The following PARD3B variants were observed in gnomAD, a reference collection of about 807,000 sequenced individuals.
PARD3B encodes par-3 family cell polarity regulator beta, also known as partitioning defective 3 homolog B.
Under a neutral mutation model 130.2 loss-of-function variants are expected in PARD3B, and 103 were observed. The observed-to-expected ratio is 0.79, with a 90% CI of 0.67 to 0.93. The LOEUF is 0.93. Among genes scored for constraint, PARD3B ranks in the 40% least tolerant of loss-of-function variants. The pLI is 0.00. For synonymous variants in PARD3B, 583 were observed against 553.2 expected (o/e 1.05, Z -0.76); for missense variants, 1,609 against 1,499.2 (o/e 1.07, Z -1.21).
intron 18 of PARD3B, among the ~76,000 whole-genome samples, chr2:205,343,842 C>G (rs563074257): frequency 1.3e-5 from 2 of 152,034 alleles, no homozygotes; most frequent in African/African-American, 2.4e-5. Context: ...ACCCTCACCC[C>G]CTATGCCTGA....
intron 2 of PARD3B, among the ~76,000 whole-genome samples, chr2:204,865,730 C>G (rs1218416475): frequency 6.6e-6 from 1 of 151,946 alleles, no homozygotes; most frequent in Non-Finnish European, 1.5e-5. Flanking sequence ...GAAATTACCA[C>G]CAAAGAACTT....
chr2:205,193,256 A>G lies in PARD3B; in HGVS notation c.2076A>G (p.Arg692=), dbSNP rs751671023. 5.6e-6 allele frequency: 9 copies of G among 1,613,732 alleles called. No homozygotes were observed. The East Asian group carries it at 2.0e-4, about 36-fold the overall frequency. ...VYFPDQHINF[R]SVTPARQPES... ...TTCCAGATCAGCACATCAACTTCAG[A>G]TCTGTGACACCGGCCAGGCAGCCTG... The change falls in exon 15 of 23, where the codon AGA becomes AGG. Residue 692 remains arginine (R), a synonymous_variant. Coordinates refer to ENST00000406610, the MANE Select transcript of PARD3B (RefSeq NM_001302769.2).
intron 1 of PARD3B, among the ~76,000 whole-genome samples, chr2:204,556,592 G>A (rs2030938566): frequency 6.6e-6 from 1 of 152,194 alleles, no homozygotes; most frequent in South Asian, 2.1e-4. Context: ...GTGGTTGAGG[G>A]AGTTGTGAAA....
chr2:205,597,818 G>C (rs2054625415), intron 22 of PARD3B, among the ~76,000 whole-genome samples: 1 of 152,124 alleles, frequency 6.6e-6, no homozygotes. Flanking sequence ...AGAGACTGGG[G>C]GCTTGTTTAC....
intron 2 of PARD3B, among the ~76,000 whole-genome samples, chr2:204,858,815 A>T (rs1186410716): frequency 6.7e-6 from 1 of 148,676 alleles, no homozygotes; most frequent in Non-Finnish European, 1.5e-5. Context: ...TACATATATA[A>T]TATAACATGT....
chr2:205,203,830 AT>A (rs2037127605), intron 15 of PARD3B, among the ~76,000 whole-genome samples: 1 of 152,110 alleles, frequency 6.6e-6, no homozygotes, highest in African/African-American at 2.4e-5. Context: ...TGTGTGCCAC[AT>A]TTTCTTAATC....
chr2:204,693,974 G>T (rs551938409), intron 2 of PARD3B, among the ~76,000 whole-genome samples: 2 of 151,980 alleles, frequency 1.3e-5, no homozygotes, highest in Non-Finnish European at 2.9e-5. Context: ...AATAATTACA[G>T]TCAATGAATG....
intron 4 of PARD3B, among the ~76,000 whole-genome samples, chr2:205,095,398 TA>T (rs1156643360): frequency 6.6e-6 from 1 of 152,112 alleles, no homozygotes; most frequent in African/African-American, 2.4e-5. Context: ...CAGTGAACAA[TA>T]AAGGAGGGGT....
At chr2:204,709,011 A>C (rs956403711) in intron 2 of PARD3B, among the ~76,000 whole-genome samples, 1 of 152,192 alleles carries the variant, frequency 6.6e-6, no homozygotes, top group Non-Finnish European at 1.5e-5. Context: ...AGCATAGTAC[A>C]TCTCAAATAT....
intron 10 of PARD3B, among the ~76,000 whole-genome samples, chr2:205,150,211 CTGTG>C (rs71409001): frequency 0.031 from 4,202 of 134,232 alleles, 181 homozygotes; most frequent in African/African-American, 0.11. Context: ...CAGCCAGGCT[CTGTG>C]TGTGTGTGTG....
intron 1 of PARD3B, among the ~76,000 whole-genome samples, chr2:204,679,884 G>A (rs1200031274): frequency 6.6e-6 from 1 of 151,860 alleles, no homozygotes; most frequent in Non-Finnish European, 1.5e-5. Flanking sequence ...TTGCATGACT[G>A]TAATAATTTC....
chr2:205,563,113 C>T lies in PARD3B; in HGVS notation c.3260+9710C>T, dbSNP rs187920913. Among the ~76,000 whole-genome samples the T allele has an allele frequency of 2.0e-5, 3 of 152,244 alleles. No homozygotes were observed. The highest frequency in any genetic ancestry group is 7.2e-5 in the African/African-American group (3 of 41,524). ...TGCATGAATACATGATATTATTCAA[C>T]AGGAGTAATTAACAGTAAAATCACT... On this transcript the variant is annotated intron_variant, in intron 22 of 22. Transcript: ENST00000406610. This position sits in a 1 kb window ranked among gnomAD's most constrained non-coding sequence, Gnocchi z 4.2.
chr2:204,917,961 C>T (rs1056856358), intron 2 of PARD3B, among the ~76,000 whole-genome samples: 5 of 151,934 alleles, frequency 3.3e-5, no homozygotes, highest in South Asian at 4.2e-4. Context: ...CAGGTTTTTT[C>T]TTAGATTAGT....
At chr2:205,607,183 C>T (rs2055031676) in intron 22 of PARD3B, among the ~76,000 whole-genome samples, 1 of 151,966 alleles carries the variant, frequency 6.6e-6, no homozygotes, top group Non-Finnish European at 1.5e-5. Context: ...GCTCTTTCTG[C>T]AAGCACCATC....
chr2:205,380,538 A>ACAGTATATATTATATATT (rs2045323260), intron 18 of PARD3B, among the ~76,000 whole-genome samples: 2 of 10,042 alleles, frequency 2.0e-4, no homozygotes, highest in African/African-American at 7.1e-4. Context: ...TATTATATAT[A>ACAGTATATATTATATATT]ATATATAAAG....
intron 3 of PARD3B, among the ~76,000 whole-genome samples, chr2:204,981,581 C>A (rs1692671217): frequency 6.6e-6 from 1 of 152,152 alleles, no homozygotes; most frequent in South Asian, 2.1e-4. Flanking sequence ...ATTTATTGGA[C>A]ACTTAACTAT....
chr2:205,059,699 C>A (rs1161371761), intron 4 of PARD3B, among the ~76,000 whole-genome samples: 1 of 152,042 alleles, frequency 6.6e-6, no homozygotes, highest in Non-Finnish European at 1.5e-5. Context: ...TCATGCCCAA[C>A]AGCAGCATTT....
intron 1 of PARD3B, among the ~76,000 whole-genome samples, chr2:204,619,354 A>G (rs969068856): frequency 1.2e-4 from 19 of 152,320 alleles, no homozygotes; most frequent in African/African-American, 4.3e-4. Context: ...GTGACAGCAT[A>G]CAGAGCTGTT....
intron 2 of PARD3B, among the ~76,000 whole-genome samples, chr2:204,912,611 T>C (rs1324902715): frequency 6.6e-6 from 1 of 152,146 alleles, no homozygotes; most frequent in African/African-American, 2.4e-5. Context: ...TTAAGAACAA[T>C]TGAGAATTGA....
Sources: allele counts gnomAD v4.1 joint callset (sites outside exome capture counted in the v4.1 genomes callset), GRCh38; gene constraint gnomAD v4.1.1; non-coding constraint Gnocchi (gnomAD v3.1); transcripts MANE v1.5; gene names NCBI Gene and HGNC (gene_info 2026-07-23, HGNC 2026-07-21).